Variants in NECAB2 observed in about 807,000 individuals in gnomAD.
The protein encoded by NECAB2 is N-terminal EF-hand calcium binding protein 2.
NECAB2 carries 68 observed loss-of-function variants against 51.9 expected under a neutral mutation model. That is an observed-to-expected ratio of 1.31 (90% CI 1.08 to 1.60). The LOEUF is 1.60. NECAB2 is among the 40% of genes most tolerant of loss of function. NECAB2 has a pLI of 0.00. For missense variants in NECAB2, 854 were observed against 490.3 expected, an observed-to-expected ratio of 1.74 and a Z score of -7.00; for synonymous variants, 329 against 203.5, an observed-to-expected ratio of 1.62 and a Z score of -5.25.
At position 84,001,877 on chromosome 16, in the gene NECAB2, C is replaced by A. The variant is rs1241157145; in HGVS notation, c.1093C>A (p.Leu365Met). The change falls in exon 12 of 13, where the codon CTG becomes ATG. Residue 365 changes from leucine (L) to methionine (M), a missense_variant. By Grantham distance (15) the Leu-to-Met change is conservative. Coordinates refer to ENST00000305202, the MANE Select transcript of NECAB2 (RefSeq NM_019065.3). ...GTTCCGGCACGTCAAGGTGGACACA[C>A]TGAGCCAGCCTGAGGCCCTCTCCAG... ...KAFRHVKVDT[L>M]SQPEALSRIL... 6.2e-7 allele frequency: 1 copy of A among 1,614,156 alleles called. No individual in the cohort carries two copies. Among genetic ancestry groups the A allele is most frequent in the Admixed American group, 1.7e-5 (1 of 60,020 alleles).
At chr16:83,992,710 T>C (rs2084642323) in intron 6 of NECAB2, among the ~76,000 whole-genome samples, 1 of 152,132 alleles carries the variant, frequency 6.6e-6, no homozygotes, top group African/African-American at 2.4e-5. Context: ...TTGCGCTGAA[T>C]CACCTGGGAA....
intron 10 of NECAB2, among the ~76,000 whole-genome samples, chr16:83,998,939 AGAC>A (rs2084765038): frequency 6.6e-6 from 1 of 152,182 alleles, no homozygotes; most frequent in African/African-American, 2.4e-5. Context: ...GGGTTGCAGA[AGAC>A]AACAGCCCTT....
chr16:84,002,514 T>A lies in NECAB2; in HGVS notation c.*168T>A. The A allele has an allele frequency of 1.2e-6, 1 of 848,084 alleles. No homozygotes were observed. The highest frequency in any genetic ancestry group is 1.9e-6 in the Non-Finnish European group (1 of 535,644). The allele number at this position is 848,084 out of a possible 1,614,324, so 52.5% of individuals were successfully genotyped here. ...GAAGGAGGCCGCCCCTGCCCCCACC[T>A]GAGAAGGCAGAGCAGTGTCTGTGCT... On this transcript the variant is annotated 3_prime_UTR_variant, in exon 13 of 13. Coordinates refer to ENST00000305202, the MANE Select transcript of NECAB2 (RefSeq NM_019065.3).
rs186784338 is a variant in NECAB2 at position 83,992,671 on chromosome 16, T to A, written c.597-1631T>A. Among the ~76,000 whole-genome samples, 88 of 152,288 alleles carry A rather than the reference T, an allele frequency of 5.8e-4. No individual in the cohort carries two copies. The East Asian group carries it at 0.017, about 29-fold the overall frequency. On this transcript the variant is annotated intron_variant, in intron 6 of 12. Coordinates refer to ENST00000305202, the MANE Select transcript of NECAB2 (RefSeq NM_019065.3). The stretch of plus-strand genomic sequence containing the variant: ...GATTGTGAAGGTAACTCTGAGACAC[T>A]GTTTCCCAAATGAGTTTGATCTGAG...
At chr16:83,978,668 C>G in intron 3 of NECAB2, 116 bp downstream of exon 3, 1 of 865,792 alleles carries the variant, frequency 1.2e-6, no homozygotes, top group African/African-American at 1.7e-5. Context: ...TGAAAATCCC[C>G]AAATTTGCTA....
Position 83,995,639 on chromosome 16 carries a change from C to T in NECAB2, c.795+951C>T, listed in dbSNP as rs531010855. Among the ~76,000 whole-genome samples the T allele has an allele frequency of 8.5e-4, 130 of 152,276 alleles. 1 individual carries two copies. The Middle Eastern group carries it at 0.01, about 12-fold the overall frequency. The stretch of plus-strand genomic sequence containing the variant: ...GGATTGAGGTGGTTTTATGTTTCTC[C>T]TACTTTTGTGTATTTTTTTTACACC... On this transcript the variant is annotated intron_variant, in intron 8 of 12. Transcript: ENST00000305202.
intron 11 of NECAB2, 94 bp downstream of exon 11, chr16:84,000,895 G>T (rs36160302): frequency 0.082 from 105,132 of 1,278,536 alleles, 4,920 homozygotes; most frequent in African/African-American, 0.2. Context: ...GGGAGGGTAA[G>T]GCCGAGTCCA....
chr16:83,987,263 C>G (rs980816868), intron 5 of NECAB2, among the ~76,000 whole-genome samples: 4 of 152,134 alleles, frequency 2.6e-5, no homozygotes, highest in Non-Finnish European at 5.9e-5. Context: ...GTGCCCTTTG[C>G]GTCCTTATTT....
chr16:83,995,864 G>T lies in NECAB2; in HGVS notation c.795+1176G>T, dbSNP rs1009889325. 1.7e-3 allele frequency among the ~76,000 whole-genome samples: 262 copies of T among 152,286 alleles called. 1 individual carries two copies. Among genetic ancestry groups the T allele is most frequent in the African/African-American group, 6.1e-3 (254 of 41,562 alleles). ...CTGAAGCCAGCTGCGGGAGCGGCTC[G>T]GAGGGGACCCCGTGGCCCGGTTGTC... is the stretch of plus-strand genomic sequence containing the variant. On this transcript the variant is annotated intron_variant, in intron 8 of 12. Coordinates refer to ENST00000305202, the MANE Select transcript of NECAB2 (RefSeq NM_019065.3).
At chr16:83,996,894 G>T (rs186661093) in intron 8 of NECAB2, among the ~76,000 whole-genome samples, 2 of 152,150 alleles carry the variant, frequency 1.3e-5, no homozygotes, top group African/African-American at 4.8e-5. Context: ...GGTGCTGGGG[G>T]TTATGATTTG....
chr16:83,984,339 A>G (rs1177367443), intron 5 of NECAB2, among the ~76,000 whole-genome samples: 3 of 152,022 alleles, frequency 2.0e-5, no homozygotes, highest in Admixed American at 1.3e-4. Flanking sequence ...CGTTTTTACA[A>G]TCAGTCATGC....
chr16:84,001,971 G>A, intron 12 of NECAB2, 55 bp downstream of exon 12: 1 of 1,566,634 alleles, frequency 6.4e-7, no homozygotes, highest in Non-Finnish European at 8.7e-7. Flanking sequence ...AGAAGGGCAA[G>A]AGCCTAGAGG....
intron 5 of NECAB2, among the ~76,000 whole-genome samples, chr16:83,987,406 A>G (rs769790039): frequency 1.8e-4 from 27 of 152,238 alleles, no homozygotes; most frequent in Non-Finnish European, 3.1e-4. Context: ...TTTGACGCAT[A>G]TAGACTTTTG....
At chr16:83,980,468 G>C (rs9925648) in intron 3 of NECAB2, among the ~76,000 whole-genome samples, 40,208 of 151,878 alleles carry the variant, frequency 0.26, 9,972 homozygotes, top group African/African-American at 0.66. Flanking sequence ...GTCGACTGGG[G>C]GTGGGTCAGT....
intron 5 of NECAB2, among the ~76,000 whole-genome samples, chr16:83,985,863 A>C (rs752008442): frequency 8.5e-5 from 13 of 152,148 alleles, no homozygotes; most frequent in Non-Finnish European, 1.5e-4. Flanking sequence ...ATGAATGCTT[A>C]AGACGATGTG....
chr16:83,974,402 T>G (rs907396173), intron 2 of NECAB2, among the ~76,000 whole-genome samples: 1 of 152,156 alleles, frequency 6.6e-6, no homozygotes, highest in African/African-American at 2.4e-5. Context: ...AAGATATCAA[T>G]AAGTCCCCGC....
intron 5 of NECAB2, among the ~76,000 whole-genome samples, chr16:83,988,593 A>G (rs897746599): frequency 7.2e-5 from 11 of 152,196 alleles, no homozygotes; most frequent in African/African-American, 1.9e-4. Flanking sequence ...AGTTCTTGTC[A>G]TAACTTCCCC....
chr16:83,994,232 A>T, intron 6 of NECAB2, 70 bp from the exon 7 acceptor site: 1 of 1,362,472 alleles, frequency 7.3e-7, no homozygotes, highest in Non-Finnish European at 1.0e-6. Flanking sequence ...ATGCCTGTGG[A>T]AGATGCTGGA....
chr16:83,999,252 G>C (rs1003582831), intron 10 of NECAB2, among the ~76,000 whole-genome samples: 4 of 149,506 alleles, frequency 2.7e-5, no homozygotes, highest in African/African-American at 7.7e-5. Context: ...GGCCATTCTT[G>C]AGTAAGTAGC....
Sources: gnomAD v4.1 joint callset for allele counts (sites outside exome capture counted in the v4.1 genomes callset) on GRCh38, gnomAD v4.1.1 for gene constraint, MANE v1.5 for transcripts, NCBI Gene and HGNC (gene_info 2026-07-23, HGNC 2026-07-21) for gene names.